MZT2B: variants seen among roughly 807,000 people sequenced by gnomAD.
The protein encoded by MZT2B is mitotic spindle organizing protein 2B, also known as mitotic-spindle organizing protein 2B.
Under a neutral mutation model 12.1 loss-of-function variants are expected in MZT2B, and 11 were observed. The ratio of observed to expected loss-of-function variants is 0.91; its 90% CI spans 0.57 to 1.50. The LOEUF (loss-of-function observed/expected upper bound fraction) is 1.50. MZT2B is among the 40% of genes most tolerant of loss of function. The pLI is 0.00. For missense variants in MZT2B, 209 were observed against 227.7 expected (o/e 0.92, Z 0.53); for synonymous variants, 85 against 109.5 (o/e 0.78, Z 1.40).
At chr2:130,188,470 G>A (rs954166347) in intron 2 of MZT2B, among the ~76,000 whole-genome samples, 14 of 152,200 alleles carry the variant, frequency 9.2e-5, no homozygotes, top group African/African-American at 2.4e-4. Context: ...CAAGAGATGC[G>A]TGGTGGCTAT....
the MZT2B span, among the ~76,000 whole-genome samples, chr2:130,197,510 A>G: frequency 6.5e-4 from 72 of 110,396 alleles, 20 homozygotes; most frequent in Admixed American, 6.1e-3. Flanking sequence ...AAAAAAAAAG[A>G]AAAGAAAAGA....
chr2:130,195,894 G>A, the MZT2B span, among the ~76,000 whole-genome samples: 6 of 152,264 alleles, frequency 3.9e-5, no homozygotes, highest in Admixed American at 2.0e-4. Flanking sequence ...AGGCAGCCAT[G>A]AGGGAATCTC....
At chr2:130,200,897 T>G in the MZT2B span, among the ~76,000 whole-genome samples, 1 of 152,234 alleles carries the variant, frequency 6.6e-6, no homozygotes, top group Non-Finnish European at 1.5e-5. Context: ...GTTTGAGTCT[T>G]CCATCCCTAA....
chr2:130,191,177 C>T (rs1690248712), downstream of MZT2B, among the ~76,000 whole-genome samples: 1 of 152,148 alleles, frequency 6.6e-6, no homozygotes, highest in Admixed American at 6.5e-5. Flanking sequence ...GTCTCGATCT[C>T]CCACCTCATG....
chr2:130,196,311 C>T, the MZT2B span: 1 of 1,614,008 alleles, frequency 6.2e-7, no homozygotes, highest in Non-Finnish European at 8.5e-7. Flanking sequence ...CAGTACAGTT[C>T]CCAGCAGGCA....
At chr2:130,184,016 A>G (rs1470413167) in intron 2 of MZT2B, 7 of 1,550,136 alleles carry the variant, frequency 4.5e-6, no homozygotes, top group Non-Finnish European at 6.1e-6. Flanking sequence ...CCTTGTTTCC[A>G]TGGAAACTGC....
chr2:130,197,046 G>A, the MZT2B span, among the ~76,000 whole-genome samples: 1 of 152,130 alleles, frequency 6.6e-6, no homozygotes, highest in Non-Finnish European at 1.5e-5. Flanking sequence ...CCCTCTCAAG[G>A]CTACACTTTT....
chr2:130,199,142 G>A, the MZT2B span, among the ~76,000 whole-genome samples: 1 of 121,276 alleles, frequency 8.2e-6, no homozygotes, highest in Admixed American at 9.3e-5. Context: ...AAACTGGGAG[G>A]CAGTTGTTGC....
At chr2:130,203,677 G>A in the MZT2B span, among the ~76,000 whole-genome samples, 50 of 151,882 alleles carry the variant, frequency 3.3e-4, no homozygotes, top group African/African-American at 1.0e-3. Flanking sequence ...TTGAACTCCT[G>A]GGCTCAAGTG....
intron 2 of MZT2B, among the ~76,000 whole-genome samples, chr2:130,185,175 G>T (rs1690009917): frequency 6.6e-6 from 1 of 152,180 alleles, no homozygotes; most frequent in Non-Finnish European, 1.5e-5. Context: ...GCTGGGCGTG[G>T]TGGCAGGTGC....
At chr2:130,183,798 C>T in intron 2 of MZT2B, 1 of 1,550,726 alleles carries the variant, frequency 6.4e-7, no homozygotes, top group Non-Finnish European at 8.7e-7. Flanking sequence ...GGCCTCCTTT[C>T]TCTCTGCCAG....
At chr2:130,182,255 G>A (rs1412849027), upstream of MZT2B, 4 of 1,261,172 alleles carry the variant, frequency 3.2e-6, no homozygotes, top group East Asian at 3.4e-5. Flanking sequence ...GCGGCGGGGC[G>A]GAGCGCACCT....
downstream of MZT2B, chr2:130,195,087 G>A (rs150000338): frequency 2.8e-5 from 45 of 1,612,648 alleles, no homozygotes; most frequent in East Asian, 2.9e-4. Context: ...ACCAGTTTGC[G>A]GATCCGGTCC....
rs746845252 is a variant in MZT2B at position 130,182,329 on chromosome 2, C to T, written c.47C>T (p.Pro16Leu). 1 of 1,523,262 alleles carries T rather than the reference C, an allele frequency of 6.6e-7. No individual in the cohort carries two copies. 94.4% of individuals were successfully genotyped at this position (1,523,262 alleles called of 1,614,324 possible). ...CCTGGGCCGGGGTCGGCGGCGCCCC[C>T]GGGGCTGGAGGCGGCCCGGCAGAAG... ...VGPGPGSAAP[P>L]GLEAARQKLA... is the part of the protein sequence containing the mutation. The change falls in exon 1 of 3, where the codon CCG becomes CTG. Residue 16 changes from proline to leucine, a missense_variant. Transcript: ENST00000281871.
At chr2:130,202,313 A>G in the MZT2B span, 271 of 1,288,708 alleles carry the variant, frequency 2.1e-4, no homozygotes, top group Non-Finnish European at 2.6e-4. Flanking sequence ...TCTTTTGCTC[A>G]TATTCAAACA....
In MZT2B at chr2:130,182,376, G is replaced by T. The variant is rs1260271192; in HGVS notation, c.94G>T (p.Val32Leu). Residue 32 changes from valine to leucine, a missense_variant, in exon 1 of 3, where the codon GTG (valine) becomes TTG (leucine). Val to Leu is a conservative substitution (Grantham distance 32). Transcript: ENST00000281871. The part of the protein sequence containing the change: ...RQKLALRRKK[V>L]LSTEEMELYE... ...GAAGCTGGCGCTGCGGCGGAAGAAG[G>T]TGCTGAGCACCGAGGAGATGGAGCT... is the stretch of plus-strand genomic sequence containing the variant. The T allele has an allele frequency of 6.5e-7, 1 of 1,549,856 alleles. No homozygotes were observed. The highest frequency in any genetic ancestry group is 1.9e-5 in the Admixed American group (1 of 51,982).
intron 2 of MZT2B, chr2:130,183,739 C>G: frequency 6.4e-7 from 1 of 1,550,544 alleles, no homozygotes; most frequent in Non-Finnish European, 8.7e-7. Flanking sequence ...GGCCTCTTCA[C>G]TGACCTTCGC....
At chr2:130,194,084 G>T, downstream of MZT2B, 1 of 1,614,190 alleles carries the variant, frequency 6.2e-7, no homozygotes, top group Non-Finnish European at 8.5e-7. Flanking sequence ...CTGGAATTCC[G>T]TCAAGTCCAC....
rs568495445 is a variant in MZT2B at position 130,184,573 on chromosome 2, C to A, written c.319+1798C>A. ...TCTTTGGTTGCACCTCCTGCGTGCACTTCCTGACAGCGCCCACCTCACTGC... is the reference window on the plus strand; with the variant it reads ...TCTTTGGTTGCACCTCCTGCGTGCAATTCCTGACAGCGCCCACCTCACTGC... On this transcript the variant is annotated intron_variant, in intron 2 of 2. Coordinates refer to ENST00000281871, the MANE Select transcript of MZT2B (RefSeq NM_025029.5). The A allele has an allele frequency of 4.9e-5, 48 of 985,410 alleles. No individual in the cohort carries two copies. The African/African-American group carries it at 8.0e-4, about 16-fold the overall frequency. 61.0% of individuals were successfully genotyped at this position (985,410 alleles called of 1,614,324 possible).
Sources: gnomAD v4.1 joint callset for allele counts (sites outside exome capture counted in the v4.1 genomes callset) on GRCh38, gnomAD v4.1.1 for gene constraint, MANE v1.5 for transcripts, NCBI Gene and HGNC (gene_info 2026-07-23, HGNC 2026-07-21) for gene names.